Variants in SART3 observed in about 807,000 individuals in gnomAD.
The protein encoded by SART3 is HIV-1 Tat-interacting protein of 110kDa.
SART3 carries 44 observed loss-of-function variants against 122.3 expected under a neutral mutation model. The ratio of observed to expected loss-of-function variants is 0.36; its 90% confidence interval spans 0.28 to 0.46. The LOEUF (loss-of-function observed/expected upper bound fraction) is 0.46. Ranked by LOEUF, SART3 falls within the 20% of genes least tolerant of loss-of-function variation. The pLI is 1.00. For synonymous variants in SART3, 442 were observed against 454.0 expected, an observed-to-expected ratio of 0.97 and a Z score of 0.34; for missense variants, 1,101 against 1,229.0, an observed-to-expected ratio of 0.90 and a Z score of 1.56.
intron 15 of SART3, 135 bp from the exon 16 acceptor site, chr12:108,526,688 G>A (rs568187231): frequency 1.2e-4 from 107 of 920,420 alleles, no homozygotes; most frequent in Non-Finnish European, 1.7e-4. Flanking sequence ...GGAGGGGCAA[G>A]CACCACCCCG....
chr12:108,559,982 AC>A (rs2030420943), intron 1 of SART3, among the ~76,000 whole-genome samples: 1 of 151,880 alleles, frequency 6.6e-6, no homozygotes, highest in Admixed American at 6.6e-5. Context: ...CACACCCTTC[AC>A]CCCTTCCGGC....
chr12:108,540,821 T>C (rs758011569), intron 6 of SART3, among the ~76,000 whole-genome samples: 7 of 152,128 alleles, frequency 4.6e-5, no homozygotes, highest in Non-Finnish European at 8.8e-5. Context: ...CTATGACAGA[T>C]GTGGCACTGC....
Position 108,547,957 on chromosome 12 carries a change from G to T in SART3, c.474C>A (p.Ser158Arg). 6.2e-7 allele frequency: 1 copy of T among 1,613,634 alleles called. No individual in the cohort carries two copies. Among genetic ancestry groups the T allele is most frequent in the Non-Finnish European group, 8.5e-7 (1 of 1,180,002 alleles). ...LWLEWLHDEI[S>R]MAQDGLDREH... ...CTCTGTCCAGGCCATCCTGGGCCAT[G>T]CTGATCTCGTCATGCAGCCACTCCA... The change falls in exon 3 of 19, where the codon AGC (serine) becomes AGA (arginine). Residue 158 changes from serine to arginine, a missense_variant. Ser to Arg is a moderately radical substitution (Grantham distance 110). Coordinates refer to ENST00000546815, the MANE Select transcript of SART3 (RefSeq NM_014706.4).
chr12:108,547,339 A>G (rs1017923275), intron 3 of SART3, among the ~76,000 whole-genome samples: 3 of 151,716 alleles, frequency 2.0e-5, no homozygotes, highest in South Asian at 2.1e-4. Context: ...TCTGGACTGC[A>G]GCAGTGGTTA....
chr12:108,523,664 T>TG, intron 18 of SART3, 30 bp from the exon 19 acceptor site: 1 of 1,602,420 alleles, frequency 6.2e-7, no homozygotes, highest in Non-Finnish European at 8.5e-7. Context: ...ATGGACCTTT[T>TG]GAAGCAACAA....
chr12:108,558,668 T>C (rs2030332399), intron 1 of SART3, among the ~76,000 whole-genome samples: 1 of 152,172 alleles, frequency 6.6e-6, no homozygotes, highest in Non-Finnish European at 1.5e-5. Flanking sequence ...AGGGACACAG[T>C]CAATCTGGTA....
chr12:108,560,808 A>T (rs2030496569), intron 1 of SART3, 35 bp downstream of exon 1: 4 of 1,558,350 alleles, frequency 2.6e-6, no homozygotes, highest in Non-Finnish European at 3.5e-6. Flanking sequence ...GACCTGAAAG[A>T]CTGGAAGATG....
intron 12 of SART3, chr12:108,532,601 T>G: frequency 2.4e-6 from 1 of 418,916 alleles, no homozygotes; most frequent in South Asian, 2.1e-5. Context: ...ACCAGCATTC[T>G]GCCTTTACAG....
chr12:108,553,363 A>C (rs1486716188), intron 1 of SART3, among the ~76,000 whole-genome samples: 1 of 152,236 alleles, frequency 6.6e-6, no homozygotes, highest in Non-Finnish European at 1.5e-5. Flanking sequence ...TCATTGAGGG[A>C]AACTGGGTAA....
intron 15 of SART3, among the ~76,000 whole-genome samples, chr12:108,527,691 C>CA (rs1372751695): frequency 3.4e-4 from 52 of 152,340 alleles, no homozygotes; most frequent in African/African-American, 1.2e-3. Context: ...ACTCCATTCC[C>CA]AGTTCTCTCT....
chr12:108,549,050 T>C (rs1209246015), intron 2 of SART3, 38 bp downstream of exon 2: 4 of 1,613,680 alleles, frequency 2.5e-6, no homozygotes, highest in Middle Eastern at 1.6e-4. Context: ...GCAAGCCTTG[T>C]TTCTGTTTCT....
chr12:108,532,034 G>A, intron 13 of SART3, 188 bp downstream of exon 13: 1 of 608,232 alleles, frequency 1.6e-6, no homozygotes, highest in East Asian at 3.1e-5. Context: ...CCTCCTTGTA[G>A]CTGCAGAATT....
Position 108,548,915 on chromosome 12 carries a change from A to C in SART3, c.439+173T>G, listed in dbSNP as rs112718470. Reference sequence around the variant, plus strand: ...ATCCGTGTTATATGATCATAACTACATTTTGCAAAAAACTACAATAAACTA... The same window carrying C: ...ATCCGTGTTATATGATCATAACTACCTTTTGCAAAAAACTACAATAAACTA... On this transcript the variant is annotated intron_variant, in intron 2 of 18. Coordinates refer to ENST00000546815, the MANE Select transcript of SART3 (RefSeq NM_014706.4). Among the ~76,000 whole-genome samples the C allele has an allele frequency of 5.8e-4, 89 of 152,386 alleles. 1 individual carries two copies. The highest frequency in any genetic ancestry group is 2.0e-3 in the African/African-American group (84 of 41,598).
intron 3 of SART3, among the ~76,000 whole-genome samples, chr12:108,546,460 A>G (rs1391299570): frequency 1.3e-5 from 2 of 151,910 alleles, no homozygotes; most frequent in East Asian, 1.9e-4. Context: ...CAGCCTCCCA[A>G]AGTTCTGGGA....
At chr12:108,532,740 A>G (rs959714079) in intron 12 of SART3, 1 of 212,024 alleles carries the variant, frequency 4.7e-6, no homozygotes, top group African/African-American at 2.3e-5. Context: ...GTCAAATTTC[A>G]TACCCAGAGT....
rs770943485 is a variant in SART3 at position 108,523,429 on chromosome 12, A to C, written c.*28T>G. ...AGGTCCGCCGGGCCAGAGTGAAGTA[A>C]GGCATTTCCTGTCTCCCAGCGTCCC... On this transcript the variant is annotated 3_prime_UTR_variant, in exon 19 of 19. Transcript: ENST00000546815. The C allele has an allele frequency of 1.2e-5, 20 of 1,610,896 alleles. No individual in the cohort carries two copies. Among genetic ancestry groups the C allele is most frequent in the African/African-American group, 9.4e-5 (7 of 74,822 alleles).
At position 108,544,367 on chromosome 12, in the gene SART3, T is replaced by C; in HGVS notation, c.781+60A>G. 7 of 1,437,388 alleles carry C rather than the reference T, an allele frequency of 4.9e-6. No homozygotes were observed. In the Admixed American group the frequency reaches 1.2e-4, roughly 24 times the overall value. 89.0% of individuals were successfully genotyped at this position (1,437,388 alleles called of 1,614,324 possible). ...GTGGGAAAGGTCTAACTACATGTTG[T>C]TCCCCAAAGCATTTTAAAAACCATA... is the stretch of plus-strand genomic sequence containing the variant. On this transcript the variant is annotated intron_variant, in intron 5 of 18. Transcript: ENST00000546815.
At chr12:108,531,429 A>G in intron 13 of SART3, 149 bp from the exon 14 acceptor site, 1 of 667,326 alleles carries the variant, frequency 1.5e-6, no homozygotes, top group Non-Finnish European at 2.7e-6. Flanking sequence ...GAAGTTCAGA[A>G]TTCAAATAGT....
chr12:108,538,128 C>A lies in SART3; in HGVS notation c.1138G>T (p.Ala380Ser). Residue 380 changes from alanine (A) to serine (S), a missense_variant, in exon 8 of 19, where the codon GCC (alanine) becomes TCC (serine). Coordinates refer to ENST00000546815, the MANE Select transcript of SART3 (RefSeq NM_014706.4). ...RAIRNCPWTVALWSRYLLAME... is the reference protein window; with the variant it reads ...RAIRNCPWTVSLWSRYLLAME... The stretch of plus-strand genomic sequence containing the variant: ...GCCAAGAGGTACCGACTCCATAAGG[C>A]AACTGTCCAGGGGCAGTTTCTAATA... 6.2e-7 allele frequency: 1 copy of A among 1,614,180 alleles called. No homozygotes were observed. The highest frequency in any genetic ancestry group is 1.3e-5 in the African/African-American group (1 of 75,056).
Sources: gnomAD v4.1 joint callset for allele counts (sites outside exome capture counted in the v4.1 genomes callset) on GRCh38, gnomAD v4.1.1 for gene constraint, MANE v1.5 for transcripts, NCBI Gene and HGNC (gene_info 2026-07-23, HGNC 2026-07-21) for gene names.